Variants in CDC42BPA observed in about 807,000 individuals in gnomAD.
CDC42BPA encodes the protein serine/threonine-protein kinase MRCK alpha.
Under a neutral mutation model 223.5 loss-of-function variants are expected in CDC42BPA, and 80 were observed. The observed-to-expected ratio is 0.36, with a 90% confidence interval of 0.30 to 0.43. The LOEUF (loss-of-function observed/expected upper bound fraction) is 0.43, where lower values mean the gene tolerates loss of function less well. Among genes scored for constraint, CDC42BPA ranks in the 20% least tolerant of loss-of-function variants. The pLI is 1.00. For synonymous variants in CDC42BPA, 694 were observed against 718.6 expected (o/e 0.97, Z 0.55); for missense variants, 1,743 against 2,099.9 (o/e 0.83, Z 3.32).
intron 20 of CDC42BPA, among the ~76,000 whole-genome samples, chr1:227,070,955 T>C (rs758452609): frequency 1.3e-5 from 2 of 151,860 alleles, no homozygotes; most frequent in Non-Finnish European, 3.0e-5. Flanking sequence ...GGGCCACGAG[T>C]TGTCCATGTC....
chr1:226,995,120 A>G (rs1315351930), intron 35 of CDC42BPA, 140 bp from the exon 36 acceptor site: 7 of 706,664 alleles, frequency 9.9e-6, no homozygotes, highest in Non-Finnish European at 1.7e-5. Context: ...GTCCAACTGT[A>G]GTACCTTTGC....
At position 227,035,606 on chromosome 1, in the gene CDC42BPA, C is replaced by G; in HGVS notation, c.3201G>C (p.Val1067=). 2 of 1,581,566 alleles carry G rather than the reference C, an allele frequency of 1.3e-6. No individual in the cohort carries two copies. The highest frequency in any genetic ancestry group is 8.5e-7 in the Non-Finnish European group (1 of 1,172,108). The change falls in exon 25 of 37, where the codon GTG becomes GTC. Residue 1067 remains valine, a splice_region_variant and synonymous_variant. Transcript: ENST00000366766. ...GLIRQGCSCE[V]CGFSCHITCV... ...AAGTTATATGGCATGAGAATCCACACACTTTTAGAGGGAAAAAAGAAACGT... is the reference window on the plus strand; with the variant it reads ...AAGTTATATGGCATGAGAATCCACAGACTTTTAGAGGGAAAAAAGAAACGT...
In CDC42BPA at chr1:227,199,508, A is replaced by T. The variant is rs181994567; in HGVS notation, c.450+49T>A. The T allele has an allele frequency of 1.1e-4, 114 of 1,046,112 alleles. No homozygotes were observed. In the African/African-American group the frequency reaches 1.6e-3, roughly 15 times the overall value. The allele number at this position is 1,046,112 out of a possible 1,614,324, so 64.8% of individuals were successfully genotyped here. On this transcript the variant is annotated intron_variant, in intron 4 of 36. Transcript: ENST00000366766. The stretch of plus-strand genomic sequence containing the variant: ...CAATGCTTAAATAAAAATAATGCTA[A>T]TTCTTCCAACAAAAAAACAGTATAT...
intron 11 of CDC42BPA, among the ~76,000 whole-genome samples, chr1:227,126,295 C>A (rs149980401): frequency 1.3e-5 from 2 of 152,126 alleles, no homozygotes; most frequent in Non-Finnish European, 2.9e-5. Context: ...ATGTTCACAT[C>A]GAGGTTGTCA....
chr1:227,253,612 ATACATACATACATACATAC>A (rs1558877662), intron 2 of CDC42BPA, among the ~76,000 whole-genome samples: 3 of 114,302 alleles, frequency 2.6e-5, no homozygotes, highest in Non-Finnish European at 6.4e-5. Flanking sequence ...AAATAAATAC[ATACATACATACATACATAC>A]ATACATACAT....
chr1:227,217,029 A>G (rs1174056034), intron 2 of CDC42BPA, among the ~76,000 whole-genome samples: 2 of 152,214 alleles, frequency 1.3e-5, no homozygotes, highest in East Asian at 3.9e-4. Context: ...AGAATGCTGT[A>G]ACAGTATTTT....
At chr1:227,151,014 ATTTACTATCTTAATGATT>A (rs1450777940) in intron 6 of CDC42BPA, among the ~76,000 whole-genome samples, 4 of 152,086 alleles carry the variant, frequency 2.6e-5, no homozygotes, top group Non-Finnish European at 2.9e-5. Flanking sequence ...TAGACATAAA[ATTTACTATCTTAATGATT>A]TTTAGAAGTG....
At chr1:227,063,675 G>C (rs1455584016) in intron 21 of CDC42BPA, among the ~76,000 whole-genome samples, 2 of 152,094 alleles carry the variant, frequency 1.3e-5, no homozygotes, top group Non-Finnish European at 2.9e-5. Context: ...AACAAGAATT[G>C]AATGAGCAAA....
intron 12 of CDC42BPA, among the ~76,000 whole-genome samples, chr1:227,119,225 T>A (rs1247326400): frequency 6.6e-6 from 1 of 152,146 alleles, no homozygotes; most frequent in African/African-American, 2.4e-5. Flanking sequence ...GTGTTTTCTC[T>A]AGTGCTTGAA....
At chr1:227,211,506 C>T (rs1673889287) in intron 3 of CDC42BPA, among the ~76,000 whole-genome samples, 1 of 152,036 alleles carries the variant, frequency 6.6e-6, no homozygotes, top group South Asian at 2.1e-4. Flanking sequence ...ATCTTGCTGT[C>T]CATTAACGCA....
chr1:227,256,711 A>C (rs1683088006), intron 1 of CDC42BPA, among the ~76,000 whole-genome samples: 1 of 152,116 alleles, frequency 6.6e-6, no homozygotes, highest in Non-Finnish European at 1.5e-5. Context: ...GGGATATAAA[A>C]TGTTACTGCT....
rs781400182 is a variant in CDC42BPA at position 227,005,001 on chromosome 1, C to A, written c.4968G>T (p.Leu1656Phe). 5.0e-6 allele frequency: 8 copies of A among 1,612,438 alleles called. No individual in the cohort carries two copies. In the East Asian group the frequency reaches 1.8e-4, roughly 36 times the overall value. Residue 1656 changes from leucine to phenylalanine, a missense_variant, in exon 35 of 37, where the codon TTG (leucine) becomes TTT (phenylalanine). Transcript: ENST00000366766. The part of the protein sequence containing the change: ...PGRSMSASSG[L>F]SARSSAQNGS... ...TGTAGCCCCGGCACTTACTTGCTGA[C>A]AAGCCACTGCTAGCACTCATGGAGC...
intron 21 of CDC42BPA, among the ~76,000 whole-genome samples, chr1:227,061,487 G>C (rs1288575646): frequency 6.6e-6 from 1 of 152,100 alleles, no homozygotes; most frequent in Non-Finnish European, 1.5e-5. Flanking sequence ...GTAGAGCCAG[G>C]ATTCAAAACT....
At chr1:227,011,909 G>GAT (rs1228276658) in intron 34 of CDC42BPA, among the ~76,000 whole-genome samples, 3 of 152,152 alleles carry the variant, frequency 2.0e-5, no homozygotes, top group African/African-American at 7.2e-5. Flanking sequence ...GGCAGAGGGT[G>GAT]AATGGCGTGT....
chr1:227,101,979 T>C (rs2149318979), intron 14 of CDC42BPA, among the ~76,000 whole-genome samples: 1 of 152,294 alleles, frequency 6.6e-6, no homozygotes, highest in African/African-American at 2.4e-5. Flanking sequence ...GACTGTAAGA[T>C]TTCCTAAGCT....
At chr1:227,169,604 T>G (rs540289925) in intron 5 of CDC42BPA, among the ~76,000 whole-genome samples, 1 of 152,160 alleles carries the variant, frequency 6.6e-6, no homozygotes, top group African/African-American at 2.4e-5. Context: ...TCACAGGCCA[T>G]AGAGACCAGA....
chr1:227,238,390 A>G (rs973758750), intron 2 of CDC42BPA, among the ~76,000 whole-genome samples: 1 of 152,098 alleles, frequency 6.6e-6, no homozygotes, highest in African/African-American at 2.4e-5. Flanking sequence ...ACCAGGTTTC[A>G]GCAAACCATG....
chr1:227,177,680 T>C (rs1470800243), intron 5 of CDC42BPA, among the ~76,000 whole-genome samples: 1 of 152,116 alleles, frequency 6.6e-6, no homozygotes, highest in Non-Finnish European at 1.5e-5. Context: ...CACTATGCAA[T>C]TTTTTATTCT....
Position 227,072,122 on chromosome 1 carries a change from C to T in CDC42BPA, c.2827+86G>A, listed in dbSNP as rs1228773536. On this transcript the variant is annotated intron_variant, in intron 20 of 36. Coordinates refer to ENST00000366766, the MANE Select transcript of CDC42BPA (RefSeq NM_001394014.1). The stretch of plus-strand genomic sequence containing the variant: ...TTGCTTATGTCAACAATTCTCCCAC[C>T]TATGCAATGAATTGATTCTTCTGTA... 1.1e-5 allele frequency: 8 copies of T among 738,150 alleles called. No individual in the cohort carries two copies. The East Asian group carries it at 2.1e-4, about 20-fold the overall frequency. The allele number at this position is 738,150 out of a possible 1,614,324, so 45.7% of individuals were successfully genotyped here. A position where few individuals can be genotyped will look rare whatever the true frequency, so the allele number is the denominator to read the frequency against.
Sources: gnomAD v4.1 joint callset for allele counts (sites outside exome capture counted in the v4.1 genomes callset) on GRCh38, gnomAD v4.1.1 for gene constraint, MANE v1.5 for transcripts, NCBI Gene and HGNC (gene_info 2026-07-23, HGNC 2026-07-21) for gene names.